The following MCTP1 variants were observed in gnomAD, a reference collection of about 807,000 sequenced individuals.
The protein encoded by MCTP1 is multiple C2 and transmembrane domain containing 1.
A neutral mutation model predicts 120.6 loss-of-function variants in MCTP1; 69 were observed. The ratio of observed to expected loss-of-function variants is 0.57; its 90% confidence interval spans 0.47 to 0.70. The LOEUF (loss-of-function observed/expected upper bound fraction) is 0.70. MCTP1 is among the 30% of genes least tolerant of loss of function. The probability of loss-of-function intolerance (pLI) is 0.00; values close to 1 mark genes in which losing one functional copy is unlikely to be tolerated. For missense variants in MCTP1, 1,203 were observed against 1,248.8 expected (o/e 0.96, Z 0.55); for synonymous variants, 529 against 493.1 (o/e 1.07, Z -0.96).
At chr5:95,153,837 G>A (rs564897545) in intron 1 of MCTP1, among the ~76,000 whole-genome samples, 9 of 152,276 alleles carry the variant, frequency 5.9e-5, no homozygotes. Flanking sequence ...AGGAGCAGTC[G>A]TTGTTTTTAA....
intron 1 of MCTP1, among the ~76,000 whole-genome samples, chr5:95,169,714 T>G (rs1219535918): frequency 6.6e-6 from 1 of 152,184 alleles, no homozygotes; most frequent in Non-Finnish European, 1.5e-5. Flanking sequence ...TGAGGGTAGT[T>G]TGTATTTCTG....
chr5:95,177,857 C>A (rs895837150), intron 1 of MCTP1, among the ~76,000 whole-genome samples: 7 of 152,066 alleles, frequency 4.6e-5, no homozygotes, highest in African/African-American at 1.7e-4. Flanking sequence ...AAGTACTATA[C>A]CAGGTGGGAT....
chr5:94,749,781 TAG>T (rs2152796530), intron 19 of MCTP1, among the ~76,000 whole-genome samples: 1 of 151,786 alleles, frequency 6.6e-6, no homozygotes, highest in Non-Finnish European at 1.5e-5. Flanking sequence ...ATTCTCCTGC[TAG>T]AGAACATCTC....
intron 1 of MCTP1, among the ~76,000 whole-genome samples, chr5:95,057,162 A>T (rs1399659180): frequency 6.6e-6 from 1 of 152,166 alleles, no homozygotes; most frequent in Non-Finnish European, 1.5e-5. Flanking sequence ...GAGAATGGAA[A>T]CAGAGGTGTA....
At chr5:95,212,807 T>A (rs930054669) in intron 1 of MCTP1, among the ~76,000 whole-genome samples, 19 of 152,098 alleles carry the variant, frequency 1.2e-4, no homozygotes, top group Admixed American at 6.6e-4. Context: ...TTGAAAAAAT[T>A]CAACAACCCT....
chr5:95,259,559 T>C (rs933214043), intron 1 of MCTP1, among the ~76,000 whole-genome samples: 3 of 152,206 alleles, frequency 2.0e-5, no homozygotes, highest in African/African-American at 7.2e-5. Flanking sequence ...ATCTCTTTCC[T>C]GCTTTAATAA....
intron 1 of MCTP1, among the ~76,000 whole-genome samples, chr5:95,255,985 A>G (rs1342672219): frequency 6.6e-6 from 1 of 152,196 alleles, no homozygotes; most frequent in African/African-American, 2.4e-5. Context: ...AAACAGAAGC[A>G]TCGAATGCTC....
chr5:95,188,448 A>T (rs1338855890), intron 1 of MCTP1, among the ~76,000 whole-genome samples: 2 of 152,232 alleles, frequency 1.3e-5, no homozygotes, highest in Non-Finnish European at 2.9e-5. Context: ...ACACAAAAAC[A>T]TGTACACTAA....
intron 17 of MCTP1, among the ~76,000 whole-genome samples, chr5:94,808,717 A>G (rs1782861059): frequency 6.6e-6 from 1 of 152,196 alleles, no homozygotes. Flanking sequence ...AGTGTGTCAA[A>G]AGAACTATCT....
chr5:95,041,096 C>T (rs922738797), intron 1 of MCTP1, among the ~76,000 whole-genome samples: 4 of 151,174 alleles, frequency 2.6e-5, no homozygotes, highest in African/African-American at 9.7e-5. Flanking sequence ...TTACTTGCAA[C>T]CCAAAGCAAC....
chr5:94,827,863 C>T (rs1259924838), intron 17 of MCTP1, among the ~76,000 whole-genome samples: 1 of 151,830 alleles, frequency 6.6e-6, no homozygotes, highest in Non-Finnish European at 1.5e-5. Context: ...TTAGCAATTC[C>T]TCTAACCTTT....
chr5:94,805,547 G>A (rs1782093730), intron 17 of MCTP1, among the ~76,000 whole-genome samples: 1 of 152,064 alleles, frequency 6.6e-6, no homozygotes, highest in Non-Finnish European at 1.5e-5. Flanking sequence ...AGGAACTCTT[G>A]AGCCCAGGAG....
chr5:94,707,548 T>A lies in MCTP1; in HGVS notation c.2948A>T (p.Lys983Ile). The change falls in exon 23 of 23, where the codon AAA (lysine) becomes ATA (isoleucine). Residue 983 changes from lysine (K) to isoleucine (I), a missense_variant. This residue lies in a region of MCTP1 where 740 missense variants were observed against 871.1 expected (regional missense o/e 0.85). Transcript: ENST00000515393. ...ATATGGGCTATGAGAAGGATCTGGT[T>A]TCAGTTCTTGGTATTGCACCTGTTT... is the stretch of plus-strand genomic sequence containing the variant. ...DVQVVQYQEL[K>I]PDPSHSPYKR... The A allele has an allele frequency of 6.2e-7, 1 of 1,611,836 alleles. No homozygotes were observed.
chr5:95,194,920 G>C (rs1380047678), intron 1 of MCTP1, among the ~76,000 whole-genome samples: 1 of 152,186 alleles, frequency 6.6e-6, no homozygotes, highest in Non-Finnish European at 1.5e-5. Flanking sequence ...GAGACTTCAA[G>C]GCTTTAAAAT....
chr5:94,913,478 CA>C (rs1390134113), intron 8 of MCTP1, among the ~76,000 whole-genome samples: 3 of 152,158 alleles, frequency 2.0e-5, no homozygotes, highest in Non-Finnish European at 2.9e-5. Flanking sequence ...TTTCTTGCCA[CA>C]TTTGGAGATT....
intron 1 of MCTP1, among the ~76,000 whole-genome samples, chr5:95,272,861 G>C (rs1294396590): frequency 5.3e-5 from 8 of 152,170 alleles, no homozygotes; most frequent in Non-Finnish European, 1.2e-4. Context: ...AAATGGTCAA[G>C]TTTTTTTTCC....
At chr5:94,878,260 C>A (rs1240049344) in intron 12 of MCTP1, among the ~76,000 whole-genome samples, 1 of 152,120 alleles carries the variant, frequency 6.6e-6, no homozygotes, top group Non-Finnish European at 1.5e-5. Context: ...CATCTTCCAT[C>A]CTCCTTTTAT....
chr5:94,940,563 A>AATAT (rs34069333), intron 4 of MCTP1, among the ~76,000 whole-genome samples: 15 of 138,426 alleles, frequency 1.1e-4, no homozygotes, highest in East Asian at 2.2e-4. Flanking sequence ...CACACACGCA[A>AATAT]ATATATATAT....
intron 1 of MCTP1, among the ~76,000 whole-genome samples, chr5:95,047,271 G>A (rs1337849394): frequency 1.3e-5 from 2 of 152,108 alleles, no homozygotes; most frequent in Non-Finnish European, 2.9e-5. Context: ...AGTGACATCT[G>A]TTCATCCTAG....
Sources: gnomAD v4.1 joint callset for allele counts (sites outside exome capture counted in the v4.1 genomes callset) on GRCh38, gnomAD v4.1.1 for gene constraint, gnomAD v4.1.1 regional missense constraint, MANE v1.5 for transcripts, NCBI Gene and HGNC (gene_info 2026-07-23, HGNC 2026-07-21) for gene names.